The following CLK1 variants were observed in gnomAD, a reference collection of about 807,000 sequenced individuals.
The protein encoded by CLK1 is dual specificity protein kinase CLK1.
In CLK1, 40 loss-of-function variants were observed where a neutral mutation model predicts 60.9. The ratio of observed to expected loss-of-function variants is 0.66; its 90% confidence interval spans 0.51 to 0.86. The LOEUF is 0.86. Ranked by LOEUF, CLK1 falls within the 40% of genes least tolerant of loss-of-function variation. CLK1 has a pLI of 0.00. For synonymous variants in CLK1, 203 were observed against 184.4 expected (o/e 1.10, Z -0.82); for missense variants, 563 against 606.1 (o/e 0.93, Z 0.75).
At position 200,853,147 on chromosome 2, in the gene CLK1, C is replaced by T; in HGVS notation, c.*159G>A. On this transcript the variant is annotated 3_prime_UTR_variant, in exon 13 of 13. Coordinates refer to ENST00000321356, the MANE Select transcript of CLK1 (RefSeq NM_004071.4). Reference sequence around the variant, plus strand: ...AATTACTGAAAAAGATGTTCATTACCTTAGCTATGTACTTAATGAACCAAA... The same window carrying T: ...AATTACTGAAAAAGATGTTCATTACTTTAGCTATGTACTTAATGAACCAAA... 1 of 503,220 alleles carries T rather than the reference C, an allele frequency of 2.0e-6. No individual in the cohort carries two copies. The highest frequency in any genetic ancestry group is 3.4e-6 in the Non-Finnish European group (1 of 291,476). 31.2% of individuals were successfully genotyped at this position (503,220 alleles called of 1,614,324 possible).
chr2:200,854,142 G>A (rs1432186856), intron 11 of CLK1, 149 bp from the exon 12 acceptor site: 3 of 528,322 alleles, frequency 5.7e-6, no homozygotes, highest in Admixed American at 3.8e-5. Context: ...TTTGCACCAA[G>A]GTAATCTACT....
Position 200,861,696 on chromosome 2 carries a change from C to G in CLK1, c.161+6G>C. 5.6e-6 allele frequency: 9 copies of G among 1,613,756 alleles called. No individual in the cohort carries two copies. Among genetic ancestry groups the G allele is most frequent in the Non-Finnish European group, 7.6e-6 (9 of 1,179,880 alleles). ...TATATTCAGACATTTTAAGTATCCT[C>G]CTTACCTATCACACATTTTAGAGTG... On this transcript the variant is annotated splice_donor_region_variant and intron_variant, in intron 2 of 12. Transcript: ENST00000321356.
intron 2 of CLK1, 60 bp downstream of exon 2, chr2:200,861,642 G>A (rs2039140408): frequency 6.3e-7 from 1 of 1,579,504 alleles, no homozygotes; most frequent in Non-Finnish European, 8.6e-7. Flanking sequence ...TATTTTAAGT[G>A]ATACTAGTTT....
chr2:200,863,541 G>C lies in CLK1; in HGVS notation c.-1+1023C>G, dbSNP rs1157359479. ...CACTTGCACTCCGGCCGGGGCGACA[G>C]GGGCGAGACCTTGTCTCAAAAAAGA... is the stretch of plus-strand genomic sequence containing the variant. On this transcript the variant is annotated intron_variant, in intron 1 of 12. Coordinates refer to ENST00000321356, the MANE Select transcript of CLK1 (RefSeq NM_004071.4). 2.0e-5 allele frequency among the ~76,000 whole-genome samples: 3 copies of C among 151,874 alleles called. No homozygotes were observed. The East Asian group carries it at 5.8e-4, about 29-fold the overall frequency.
chr2:200,864,064 T>C, intron 1 of CLK1: 6 of 1,537,082 alleles, frequency 3.9e-6, no homozygotes, highest in Non-Finnish European at 5.3e-6. Flanking sequence ...AGACATTAAC[T>C]GTAACCCCTA....
At chr2:200,858,162 C>A in intron 5 of CLK1, 73 bp from the exon 6 acceptor site, 1 of 961,134 alleles carries the variant, frequency 1.0e-6, no homozygotes, top group Non-Finnish European at 1.7e-6. Context: ...TGTCTTCAAA[C>A]TGTACTACTA....
intron 7 of CLK1, 117 bp downstream of exon 7, chr2:200,857,601 T>C: frequency 6.0e-6 from 5 of 829,664 alleles, no homozygotes; most frequent in Non-Finnish European, 7.3e-6. Flanking sequence ...TCTTCATACC[T>C]ATTCTTCCTC....
chr2:200,853,697 A>G lies in CLK1; in HGVS notation c.1311+206T>C, dbSNP rs1053942469. Among the ~76,000 whole-genome samples the G allele has an allele frequency of 5.8e-4, 87 of 150,226 alleles. 2 individuals carry two copies. Among genetic ancestry groups the G allele is most frequent in the Admixed American group, 2.7e-4 (4 of 15,034 alleles). The stretch of plus-strand genomic sequence containing the variant: ...TTTACTTGAAAAAAAAAAAAAAAAA[A>G]AAAAAAAAGCGTGGTGGCATCCATC... On this transcript the variant is annotated intron_variant, in intron 12 of 12. Transcript: ENST00000321356.
chr2:200,853,477 C>A, intron 12 of CLK1, 28 bp from the exon 13 acceptor site: 2 of 1,590,818 alleles, frequency 1.3e-6, no homozygotes, highest in Non-Finnish European at 1.7e-6. Context: ...ATTCATTCAA[C>A]AGCCTTTTCC....
rs759060313 is a variant in CLK1 at position 200,861,808 on chromosome 2, AATCCCAATCCTTGTC to A, written c.40_54del (p.Asp14_Asp18del). 9 of 1,614,066 alleles carry A rather than the reference AATCCCAATCCTTGTC, an allele frequency of 5.6e-6. No homozygotes were observed. The highest frequency in any genetic ancestry group is 1.7e-5 in the Admixed American group (1 of 60,014). The stretch of plus-strand genomic sequence containing the variant: ...CTGCTGCTGCTCCTCCATTTTCCAT[AATCCCAATCCTTGTC>A]ATCCCAATCAGGACAGTAAGTTCTC... On this transcript the variant is annotated inframe_deletion, in exon 2 of 13. Coordinates refer to ENST00000321356, the MANE Select transcript of CLK1 (RefSeq NM_004071.4).
At chr2:200,856,073 G>A in intron 9 of CLK1, among the ~76,000 whole-genome samples, 1 of 151,234 alleles carries the variant, frequency 6.6e-6, no homozygotes. Flanking sequence ...GAATAAAATA[G>A]GCATTAAACA....
intron 12 of CLK1, 112 bp from the exon 13 acceptor site, chr2:200,853,561 C>A: frequency 1.9e-6 from 2 of 1,030,070 alleles, no homozygotes; most frequent in Admixed American, 5.7e-5. Flanking sequence ...AGAAAAGAGG[C>A]CAGGCATGGT....
chr2:200,854,730 G>T lies in CLK1; in HGVS notation c.1141-35C>A. 5 of 1,441,432 alleles carry T rather than the reference G, an allele frequency of 3.5e-6. No individual in the cohort carries two copies. In the South Asian group the frequency reaches 4.6e-5, roughly 13 times the overall value. The allele number at this position is 1,441,432 out of a possible 1,614,324, so 89.3% of individuals were successfully genotyped here. A position where few individuals can be genotyped will look rare whatever the true frequency, so the allele number is the denominator to read the frequency against. ...AAATAAAAACAGACTTGGGGAAGATGACCACCAAAACAGACACAGTTAAAG... is the reference window on the plus strand; with the variant it reads ...AAATAAAAACAGACTTGGGGAAGATTACCACCAAAACAGACACAGTTAAAG... On this transcript the variant is annotated intron_variant, in intron 10 of 12. Coordinates refer to ENST00000321356, the MANE Select transcript of CLK1 (RefSeq NM_004071.4).
chr2:200,859,915 T>C, intron 4 of CLK1, 169 bp from the exon 5 acceptor site: 1 of 1,430,492 alleles, frequency 7.0e-7, no homozygotes, highest in Non-Finnish European at 9.1e-7. Flanking sequence ...TCTAATTTCA[T>C]TAATTTGATT....
intron 4 of CLK1, 47 bp downstream of exon 4, chr2:200,860,078 G>C (rs887267022): frequency 6.3e-7 from 1 of 1,599,858 alleles, no homozygotes; most frequent in Non-Finnish European, 8.6e-7. Flanking sequence ...TCTATATATA[G>C]ATTATGTTAT....
rs1184690109 is a variant in CLK1 at position 200,853,541 on chromosome 2, C to T, written c.1312-92G>A. On this transcript the variant is annotated intron_variant, in intron 12 of 12. Coordinates refer to ENST00000321356, the MANE Select transcript of CLK1 (RefSeq NM_004071.4). The stretch of plus-strand genomic sequence containing the variant: ...ATAGTAAACCATATATATATAACCA[C>T]CATAAAAACAGAAAAGAGGCCAGGC... The T allele has an allele frequency of 4.1e-6, 5 of 1,215,162 alleles. No individual in the cohort carries two copies. In the African/African-American group the frequency reaches 6.2e-5, roughly 15 times the overall value. 75.3% of individuals were successfully genotyped at this position (1,215,162 alleles called of 1,614,324 possible). A position where few individuals can be genotyped will look rare whatever the true frequency, so the allele number is the denominator to read the frequency against.
At position 200,854,846 on chromosome 2, in the gene CLK1, G is replaced by A. The variant is rs549157908; in HGVS notation, c.1141-151C>T. 6.5e-6 allele frequency: 5 copies of A among 768,528 alleles called. No homozygotes were observed. In the East Asian group the frequency reaches 1.0e-4, roughly 16 times the overall value. 47.6% of individuals were successfully genotyped at this position (768,528 alleles called of 1,614,324 possible). ...ACGGATAATTGCTTATATACTGAAA[G>A]ATGTTTTAAATAAAACAATTATGAA... On this transcript the variant is annotated intron_variant, in intron 10 of 12. Coordinates refer to ENST00000321356, the MANE Select transcript of CLK1 (RefSeq NM_004071.4).
At chr2:200,856,603 GT>G in intron 9 of CLK1, 78 bp downstream of exon 9, 1 of 1,213,322 alleles carries the variant, frequency 8.2e-7, no homozygotes, top group Non-Finnish European at 1.2e-6. Context: ...AGCCCCACAA[GT>G]AAGACCTAAA....
At chr2:200,861,553 C>T (rs2039139395) in intron 2 of CLK1, 87 bp from the exon 3 acceptor site, 3 of 1,562,032 alleles carry the variant, frequency 1.9e-6, no homozygotes, top group African/African-American at 1.4e-5. Flanking sequence ...GACTCCCCCA[C>T]AAGCAGCTTA....
Sources: gnomAD v4.1 joint callset for allele counts (sites outside exome capture counted in the v4.1 genomes callset) on GRCh38, gnomAD v4.1.1 for gene constraint, MANE v1.5 for transcripts, NCBI Gene and HGNC (gene_info 2026-07-23, HGNC 2026-07-21) for gene names.